Variants in CXCL13 observed in about 807,000 individuals in gnomAD.
CXCL13 encodes the protein C-X-C motif chemokine 13.
Under a neutral mutation model 12.2 loss-of-function variants are expected in CXCL13, and 7 were observed. That is an observed-to-expected ratio of 0.57 (90% CI 0.33 to 1.07). The LOEUF (loss-of-function observed/expected upper bound fraction) is 1.07, where lower values mean the gene tolerates loss of function less well. CXCL13 is among the 50% of genes least tolerant of loss of function. The pLI is 0.04. For synonymous variants in CXCL13, 47 were observed against 42.4 expected, an observed-to-expected ratio of 1.11 and a Z score of -0.42; for missense variants, 113 against 127.4, an observed-to-expected ratio of 0.89 and a Z score of 0.55.
intron 1 of CXCL13, among the ~76,000 whole-genome samples, chr4:77,564,892 C>G (rs148343506): frequency 1.3e-5 from 2 of 152,154 alleles, no homozygotes; most frequent in African/African-American, 4.8e-5. Flanking sequence ...TTCCCCATTT[C>G]TTCAGGGGTA....
chr4:77,591,089 G>A (rs1243247189), intron 1 of CXCL13, among the ~76,000 whole-genome samples: 1 of 152,196 alleles, frequency 6.6e-6, no homozygotes, highest in African/African-American at 2.4e-5. Context: ...ACGTTGGCTA[G>A]GCTGGTCTCA....
intron 1 of CXCL13, among the ~76,000 whole-genome samples, chr4:77,530,267 G>T (rs1724873089): frequency 6.6e-6 from 1 of 152,144 alleles, no homozygotes; most frequent in South Asian, 2.1e-4. Flanking sequence ...CCAGGCTTTG[G>T]TGTCAGGATG....
intron 1 of CXCL13, among the ~76,000 whole-genome samples, chr4:77,578,524 G>A (rs1726245593): frequency 6.6e-6 from 1 of 152,344 alleles, no homozygotes. Context: ...TGTGCACTGG[G>A]AGAATGGGGT....
intron 1 of CXCL13, among the ~76,000 whole-genome samples, chr4:77,514,201 G>C (rs1362925396): frequency 4.1e-4 from 63 of 151,824 alleles, no homozygotes; most frequent in Middle Eastern, 3.4e-3. Flanking sequence ...AATCCAGTCT[G>C]TCATTGTTGG....
intron 1 of CXCL13, among the ~76,000 whole-genome samples, chr4:77,517,741 T>C (rs544190506): frequency 3.5e-3 from 534 of 152,316 alleles, no homozygotes; most frequent in Non-Finnish European, 6.0e-3. Context: ...AACACACTGA[T>C]GGGTCTTGAC....
At chr4:77,579,415 T>G (rs1230145492) in intron 1 of CXCL13, among the ~76,000 whole-genome samples, 4 of 152,208 alleles carry the variant, frequency 2.6e-5, no homozygotes, top group Admixed American at 6.5e-5. Flanking sequence ...TCCCAAAGGT[T>G]GTCCTTTAAT....
intron 1 of CXCL13, among the ~76,000 whole-genome samples, chr4:77,561,711 G>A (rs1010255132): frequency 3.9e-5 from 6 of 152,232 alleles, no homozygotes; most frequent in Non-Finnish European, 8.8e-5. Context: ...AGCAGTGAGA[G>A]GTGATGGTGT....
At chr4:77,610,208 G>A (rs1271896758) in intron 2 of CXCL13, among the ~76,000 whole-genome samples, 1 of 152,070 alleles carries the variant, frequency 6.6e-6, no homozygotes, top group Non-Finnish European at 1.5e-5. Flanking sequence ...GTTCTCAAGA[G>A]AGTGTTTTCT....
chr4:77,578,372 T>C (rs1181634779), intron 1 of CXCL13, among the ~76,000 whole-genome samples: 2 of 152,196 alleles, frequency 1.3e-5, no homozygotes, highest in Non-Finnish European at 2.9e-5. Context: ...GCGCCCCCTG[T>C]CAGCAGGAAG....
chr4:77,586,969 G>C (rs1362889455), intron 1 of CXCL13, among the ~76,000 whole-genome samples: 1 of 152,146 alleles, frequency 6.6e-6, no homozygotes, highest in Non-Finnish European at 1.5e-5. Flanking sequence ...AAGTTCTAGG[G>C]GGGACTCCGT....
At chr4:77,530,706 T>C (rs1724890658) in intron 1 of CXCL13, among the ~76,000 whole-genome samples, 1 of 152,184 alleles carries the variant, frequency 6.6e-6, no homozygotes. Context: ...TCAGTTTTGT[T>C]GATCTTTTCA....
upstream of CXCL13, among the ~76,000 whole-genome samples, chr4:77,602,307 C>T (rs1365669200): frequency 1.3e-5 from 2 of 152,146 alleles, no homozygotes; most frequent in African/African-American, 2.4e-5. Flanking sequence ...TGGATGTGTC[C>T]TGTCCACTTT....
At chr4:77,531,992 C>G (rs1724938705) in intron 1 of CXCL13, among the ~76,000 whole-genome samples, 1 of 152,166 alleles carries the variant, frequency 6.6e-6, no homozygotes, top group Non-Finnish European at 1.5e-5. Flanking sequence ...CGTCTTGACT[C>G]TTTATCCAAT....
At chr4:77,562,758 C>G (rs1033427645) in intron 1 of CXCL13, among the ~76,000 whole-genome samples, 1 of 152,106 alleles carries the variant, frequency 6.6e-6, no homozygotes. Context: ...TGATCCGTGT[C>G]TAGCTAATCT....
At chr4:77,520,404 G>A (rs879698822) in intron 1 of CXCL13, among the ~76,000 whole-genome samples, 4 of 152,148 alleles carry the variant, frequency 2.6e-5, no homozygotes, top group Non-Finnish European at 5.9e-5. Context: ...GCAGTGGTTT[G>A]TAGTTCTCCT....
chr4:77,535,295 C>T (rs1276142238), intron 1 of CXCL13, among the ~76,000 whole-genome samples: 2 of 152,128 alleles, frequency 1.3e-5, no homozygotes, highest in Non-Finnish European at 2.9e-5. Flanking sequence ...TTGTGACATA[C>T]TTCTTTCTTG....
At chr4:77,590,009 G>A (rs1393163187) in intron 1 of CXCL13, among the ~76,000 whole-genome samples, 1 of 152,020 alleles carries the variant, frequency 6.6e-6, no homozygotes, top group Non-Finnish European at 1.5e-5. Context: ...ACGTGGCCCA[G>A]GTAAATGCTC....
intron 1 of CXCL13, among the ~76,000 whole-genome samples, chr4:77,517,233 G>A (rs2110078171): frequency 6.6e-6 from 1 of 152,064 alleles, no homozygotes; most frequent in Non-Finnish European, 1.5e-5. Context: ...CCAACTATGT[G>A]GTCAATTTTG....
intron 1 of CXCL13, among the ~76,000 whole-genome samples, chr4:77,571,575 C>G (rs1286803222): frequency 6.6e-6 from 1 of 151,830 alleles, no homozygotes; most frequent in Non-Finnish European, 1.5e-5. Flanking sequence ...GTGTATCTAA[C>G]TAATCTGATG....
Sources: gnomAD v4.1 joint callset for allele counts (sites outside exome capture counted in the v4.1 genomes callset) on GRCh38, gnomAD v4.1.1 for gene constraint, MANE v1.5 for transcripts, NCBI Gene and HGNC (gene_info 2026-07-23, HGNC 2026-07-21) for gene names.